CLUL1: variants seen among roughly 807,000 people sequenced by gnomAD.
The protein encoded by CLUL1 is clusterin like 1.
CLUL1 carries 43 observed loss-of-function variants against 49.4 expected under a neutral mutation model. That is an observed-to-expected ratio of 0.87 (90% CI 0.68 to 1.12). The LOEUF is 1.12. Ranked by LOEUF, CLUL1 falls within the 50% of genes most tolerant of loss-of-function variation. CLUL1 has a pLI of 0.00. For missense variants in CLUL1, 486 were observed against 544.4 expected (o/e 0.89, Z 1.07); for synonymous variants, 192 against 184.9 (o/e 1.04, Z -0.31).
In CLUL1 at chr18:643,253, T is replaced by C. The variant is rs530407816; in HGVS notation, c.1210-1657T>C. On this transcript the variant is annotated intron_variant, in intron 8 of 9. Coordinates refer to ENST00000692774, the MANE Select transcript of CLUL1 (RefSeq NM_001393344.1). ...ATATGTGTGTAAACATATATACACA[T>C]ATGTAGACATACGTGTGTGTTTTGA... is the stretch of plus-strand genomic sequence containing the variant. 1.1e-3 allele frequency among the ~76,000 whole-genome samples: 170 copies of C among 152,350 alleles called. 1 individual carries two copies. The highest frequency in any genetic ancestry group is 1.7e-3 in the Non-Finnish European group (116 of 68,026).
intron 9 of CLUL1, among the ~76,000 whole-genome samples, chr18:645,810 A>AAAAAAAAAAAT (rs1451607900): frequency 2.0e-4 from 6 of 29,872 alleles, no homozygotes; most frequent in African/African-American, 5.5e-4. Flanking sequence ...AAAAAAAAAA[A>AAAAAAAAAAAT]ATATATATAT....
chr18:629,050 T>C (rs2073907992), intron 6 of CLUL1, among the ~76,000 whole-genome samples: 1 of 152,186 alleles, frequency 6.6e-6, no homozygotes, highest in Admixed American at 6.5e-5. Context: ...ATTACATAAC[T>C]GGCCTCTACA....
chr18:613,174 C>T (rs556266913), intron 2 of CLUL1: 19 of 452,574 alleles, frequency 4.2e-5, no homozygotes, highest in Non-Finnish European at 6.3e-5. Flanking sequence ...GTCTTGCTCT[C>T]GTTGCCCAGA....
At chr18:645,638 A>C (rs1282982802) in intron 9 of CLUL1, among the ~76,000 whole-genome samples, 4 of 150,296 alleles carry the variant, frequency 2.7e-5, no homozygotes, top group African/African-American at 4.9e-5. Flanking sequence ...TACTAAAATA[A>C]AAAAAATTAG....
At chr18:639,974 G>C (rs1014056071) in intron 7 of CLUL1, among the ~76,000 whole-genome samples, 1 of 151,956 alleles carries the variant, frequency 6.6e-6, no homozygotes, top group African/African-American at 2.4e-5. Context: ...GTTAATATTC[G>C]AAAGGGCAAC....
chr18:623,779 T>A (rs1177521133), intron 4 of CLUL1, among the ~76,000 whole-genome samples: 2 of 151,326 alleles, frequency 1.3e-5, no homozygotes, highest in Non-Finnish European at 2.9e-5. Context: ...CTTACGTGGA[T>A]CATACCAAAT....
intron 6 of CLUL1, among the ~76,000 whole-genome samples, chr18:630,617 G>A (rs1180972159): frequency 1.4e-5 from 2 of 147,040 alleles, no homozygotes; most frequent in Non-Finnish European, 3.0e-5. Flanking sequence ...ACTGGAAATG[G>A]TATAGAAATG....
chr18:633,837 AGGGCGGAGCGTGTAATCGGAATGAATC>A (rs1567972353), intron 7 of CLUL1, among the ~76,000 whole-genome samples: 1 of 115,834 alleles, frequency 8.6e-6, no homozygotes, highest in Non-Finnish European at 1.8e-5. Flanking sequence ...GGAATGAATC[AGGGCGGAGCGTGTAATCGGAATGAATC>A]AGGGTGGAGC....
intron 1 of CLUL1, among the ~76,000 whole-genome samples, chr18:604,123 C>T (rs753249250): frequency 2.6e-5 from 4 of 152,234 alleles, no homozygotes; most frequent in Non-Finnish European, 5.9e-5. Flanking sequence ...TCAAGTGATC[C>T]AACCGCCTTG....
Position 641,386 on chromosome 18 carries a change from G to A in CLUL1, c.1054G>A (p.Val352Ile), listed in dbSNP as rs759587142. The change falls in exon 8 of 10, where the codon GTA (valine) becomes ATA (isoleucine). Residue 352 changes from valine to isoleucine, a missense_variant. Coordinates refer to ENST00000692774, the MANE Select transcript of CLUL1 (RefSeq NM_001393344.1). ...AGACGAGGCGATCAGGTTGGTCAAT[G>A]TATCCAATCAGCAGTATGGCCAGAT... Reference protein sequence around the residue: ...ELDEAIRLVNVSNQQYGQILQ... With the variant: ...ELDEAIRLVNISNQQYGQILQ... 8.7e-6 allele frequency: 14 copies of A among 1,614,098 alleles called. No homozygotes were observed. The highest frequency in any genetic ancestry group is 1.1e-5 in the South Asian group (1 of 91,090).
chr18:628,788 C>T (rs935869531), intron 6 of CLUL1, among the ~76,000 whole-genome samples: 27 of 151,616 alleles, frequency 1.8e-4, no homozygotes, highest in African/African-American at 4.9e-5. Context: ...CCCGCCACCA[C>T]GCCTGGCTAA....
intron 4 of CLUL1, among the ~76,000 whole-genome samples, chr18:624,031 G>C (rs1204137396): frequency 1.3e-5 from 2 of 152,178 alleles, no homozygotes; most frequent in Admixed American, 1.3e-4. Flanking sequence ...CACTTGCAGG[G>C]AAGCCAGAGG....
chr18:640,238 C>T (rs1024127912), intron 7 of CLUL1, among the ~76,000 whole-genome samples: 4 of 151,724 alleles, frequency 2.6e-5, no homozygotes, highest in Non-Finnish European at 4.4e-5. Context: ...TAGTGAGACC[C>T]GCCTCTACAA....
chr18:601,364 C>T (rs887066977), intron 1 of CLUL1, among the ~76,000 whole-genome samples: 2 of 152,006 alleles, frequency 1.3e-5, no homozygotes, highest in Non-Finnish European at 2.9e-5. Flanking sequence ...ATATACTGGC[C>T]GGGCGCGGTG....
rs900165980 is a variant in CLUL1, at chr18:630,768, C to T, written c.857-2530C>T. ...GTGGTGCGATCTTGGCTCAGTACAA[C>T]CTCCGCCTCCTAGGTTCAAGCGATT... On this transcript the variant is annotated intron_variant, in intron 6 of 9. Transcript: ENST00000692774. Among the ~76,000 whole-genome samples the T allele has an allele frequency of 4.2e-5, 6 of 142,638 alleles. No homozygotes were observed. In the Admixed American group the frequency reaches 4.5e-4, roughly 11 times the overall value. The allele number at this position is 142,638 out of a possible 152,430, so 93.6% of individuals were successfully genotyped here.
At chr18:639,982 A>T (rs1714719917) in intron 7 of CLUL1, among the ~76,000 whole-genome samples, 1 of 152,138 alleles carries the variant, frequency 6.6e-6, no homozygotes. Flanking sequence ...TCGAAAGGGC[A>T]ACTAAACTGT....
At chr18:615,537 G>A (rs1350887750) in intron 2 of CLUL1, among the ~76,000 whole-genome samples, 1 of 152,178 alleles carries the variant, frequency 6.6e-6, no homozygotes, top group East Asian at 1.9e-4. Context: ...GAGCAATGGT[G>A]CACAGAGTCA....
intron 1 of CLUL1, among the ~76,000 whole-genome samples, chr18:602,062 GA>G (rs890839254): frequency 2.0e-5 from 3 of 151,214 alleles, no homozygotes; most frequent in Non-Finnish European, 4.4e-5. Flanking sequence ...CTCTATGAAA[GA>G]AAAAAAAATT....
At chr18:640,071 A>G (rs2074296440) in intron 7 of CLUL1, among the ~76,000 whole-genome samples, 2 of 152,246 alleles carry the variant, frequency 1.3e-5, no homozygotes, top group South Asian at 4.1e-4. Flanking sequence ...TTTTCAATCC[A>G]TAATCTATGG....
Sources: allele counts gnomAD v4.1 joint callset (sites outside exome capture counted in the v4.1 genomes callset), GRCh38; gene constraint gnomAD v4.1.1; transcripts MANE v1.5; gene names NCBI Gene and HGNC (gene_info 2026-07-23, HGNC 2026-07-21).